The following CYSLTR2 variants were observed in gnomAD, a reference collection of about 807,000 sequenced individuals.
CYSLTR2 encodes the protein G-protein coupled receptor GPCR21.
For missense variants in CYSLTR2, 398 were observed against 411.9 expected, an observed-to-expected ratio of 0.97 and a Z score of 0.29; for synonymous variants, 179 against 160.8, an observed-to-expected ratio of 1.11 and a Z score of -0.86.
At chr13:48,669,553 T>C (rs1302743335) in intron 1 of CYSLTR2, among the ~76,000 whole-genome samples, 1 of 152,140 alleles carries the variant, frequency 6.6e-6, no homozygotes, top group African/African-American at 2.4e-5. Flanking sequence ...CCTGTGTTAG[T>C]CTGCTGAGAA....
At chr13:48,682,038 A>C (rs964075703) in intron 1 of CYSLTR2, among the ~76,000 whole-genome samples, 2 of 152,048 alleles carry the variant, frequency 1.3e-5, no homozygotes, top group Non-Finnish European at 2.9e-5. Context: ...TTGTAATGAA[A>C]CCTTTATGTA....
intron 1 of CYSLTR2, among the ~76,000 whole-genome samples, chr13:48,677,132 A>G (rs1044662514): frequency 6.6e-6 from 1 of 152,204 alleles, no homozygotes; most frequent in African/African-American, 2.4e-5. Context: ...TACAGAAGTC[A>G]GATGAGTGGA....
At position 48,680,741 on chromosome 13, in the gene CYSLTR2, AT is replaced by A. The variant is rs763406305; in HGVS notation, c.-265-10466del. Among the ~76,000 whole-genome samples, 15 of 145,286 alleles carry A rather than the reference AT, an allele frequency of 1.0e-4. No individual in the cohort carries two copies. In the East Asian group the frequency reaches 1.2e-3, roughly 12 times the overall value. On this transcript the variant is annotated intron_variant, in intron 1 of 4. Transcript: ENST00000682523. Reference sequence around the variant, plus strand: ...GTCGCATACTTCATTGGTCTGGCTAATTTTTATAGTCACATCTAGCAGACGA... The same window carrying A: ...GTCGCATACTTCATTGGTCTGGCTAATTTTATAGTCACATCTAGCAGACGA...
intron 4 of CYSLTR2, among the ~76,000 whole-genome samples, chr13:48,700,917 G>A (rs1954325205): frequency 6.6e-6 from 1 of 152,114 alleles, no homozygotes; most frequent in African/African-American, 2.4e-5. Context: ...TTGCTTCAAA[G>A]AGAATAAAAT....
intron 4 of CYSLTR2, among the ~76,000 whole-genome samples, chr13:48,698,757 G>A (rs995753333): frequency 2.0e-5 from 3 of 152,148 alleles, no homozygotes; most frequent in African/African-American, 7.2e-5. Context: ...ACCCATCAGC[G>A]TGCTGTATTC....
At chr13:48,677,858 G>A (rs761814994) in intron 1 of CYSLTR2, among the ~76,000 whole-genome samples, 20 of 147,148 alleles carry the variant, frequency 1.4e-4, no homozygotes, top group Non-Finnish European at 1.9e-4. Context: ...TTACTGAATC[G>A]CCTGGTACTA....
At chr13:48,683,959 T>A (rs1953827936) in intron 1 of CYSLTR2, among the ~76,000 whole-genome samples, 1 of 152,210 alleles carries the variant, frequency 6.6e-6, no homozygotes, top group Non-Finnish European at 1.5e-5. Flanking sequence ...CACTCTGTCA[T>A]CCAGACTGAA....
intron 1 of CYSLTR2, among the ~76,000 whole-genome samples, chr13:48,673,611 A>G (rs7997338): frequency 0.023 from 3,550 of 152,054 alleles, 148 homozygotes; most frequent in African/African-American, 0.081. Flanking sequence ...TGGGGCATTT[A>G]GCCCATTTAC....
At chr13:48,702,813 A>G (rs1473706156) in intron 4 of CYSLTR2, among the ~76,000 whole-genome samples, 3 of 152,190 alleles carry the variant, frequency 2.0e-5, no homozygotes, top group African/African-American at 4.8e-5. Context: ...GAATAATCCT[A>G]TCTATATCTA....
chr13:48,696,475 C>T (rs1954190287), intron 3 of CYSLTR2, 51 bp from the exon 4 acceptor site: 1 of 152,074 alleles, frequency 6.6e-6, no homozygotes, highest in African/African-American at 2.4e-5. Flanking sequence ...CTTTGTCAGT[C>T]CTAGATCCCA....
At chr13:48,672,391 G>A (rs539468161) in intron 1 of CYSLTR2, among the ~76,000 whole-genome samples, 14 of 152,020 alleles carry the variant, frequency 9.2e-5, no homozygotes, top group Non-Finnish European at 2.1e-4. Context: ...TATTAGACCT[G>A]TCCTGCTTTC....
At chr13:48,668,265 G>A (rs1279568357) in intron 1 of CYSLTR2, among the ~76,000 whole-genome samples, 3 of 152,030 alleles carry the variant, frequency 2.0e-5, no homozygotes. Context: ...CACGGGAAAT[G>A]TCAGTTGCTA....
chr13:48,670,918 T>C (rs891254938), intron 1 of CYSLTR2, among the ~76,000 whole-genome samples: 2 of 152,242 alleles, frequency 1.3e-5, no homozygotes, highest in Non-Finnish European at 2.9e-5. Flanking sequence ...GAGCATGGAA[T>C]GTTCTTCCAT....
At chr13:48,699,026 T>G (rs551466614) in intron 4 of CYSLTR2, among the ~76,000 whole-genome samples, 8 of 152,214 alleles carry the variant, frequency 5.3e-5, no homozygotes, top group African/African-American at 1.9e-4. Flanking sequence ...ATAAAGCAAG[T>G]CCTTAGAGAC....
At chr13:48,669,705 T>A (rs1159027439) in intron 1 of CYSLTR2, among the ~76,000 whole-genome samples, 2 of 152,246 alleles carry the variant, frequency 1.3e-5, no homozygotes, top group East Asian at 3.8e-4. Context: ...TGGTTCCAAG[T>A]CTTTGCTATT....
chr13:48,692,493 G>A (rs1954063873), intron 2 of CYSLTR2, among the ~76,000 whole-genome samples: 2 of 150,646 alleles, frequency 1.3e-5, no homozygotes, highest in South Asian at 4.2e-4. Flanking sequence ...TATACAAATA[G>A]AAAATACATT....
chr13:48,673,285 G>T (rs1953494123), intron 1 of CYSLTR2, among the ~76,000 whole-genome samples: 1 of 152,034 alleles, frequency 6.6e-6, no homozygotes, highest in African/African-American at 2.4e-5. Flanking sequence ...GAATCCGGGT[G>T]CTCCTGTATT....
intron 1 of CYSLTR2, among the ~76,000 whole-genome samples, chr13:48,670,247 A>G (rs954570685): frequency 1.3e-4 from 20 of 152,198 alleles, no homozygotes; most frequent in Non-Finnish European, 2.1e-4. Flanking sequence ...CTCTGAAGAT[A>G]GTTTCTTTTG....
chr13:48,670,752 G>A (rs1953404793), intron 1 of CYSLTR2, among the ~76,000 whole-genome samples: 3 of 152,150 alleles, frequency 2.0e-5, no homozygotes, highest in Admixed American at 1.3e-4. Flanking sequence ...GATTCTCTTG[G>A]CTACATAGGC....
Sources: gnomAD v4.1 joint callset for allele counts (sites outside exome capture counted in the v4.1 genomes callset) on GRCh38, gnomAD v4.1.1 for gene constraint, MANE v1.5 for transcripts, NCBI Gene and HGNC (gene_info 2026-07-23, HGNC 2026-07-21) for gene names.